The following COA1 variants were observed in gnomAD, a reference collection of about 807,000 sequenced individuals.
The protein encoded by COA1 is cytochrome c oxidase assembly factor 1 homolog.
A neutral mutation model predicts 16.0 loss-of-function variants in COA1; 13 were observed. The observed-to-expected ratio is 0.81, with a 90% confidence interval of 0.53 to 1.29. The LOEUF is 1.29. Among genes scored for constraint, COA1 ranks in the 50% most tolerant of loss-of-function variants. The pLI, the probability that COA1 is intolerant of heterozygous loss-of-function variation, is 0.00. For missense variants in COA1, 179 were observed against 177.0 expected (o/e 1.01, Z -0.06); for synonymous variants, 65 against 65.7 (o/e 0.99, Z 0.05).
intron 4 of COA1, among the ~76,000 whole-genome samples, chr7:43,644,795 G>GGC (rs1554501701): frequency 3.0e-4 from 33 of 111,496 alleles, no homozygotes; most frequent in Non-Finnish European, 4.9e-4. Flanking sequence ...GGCAGGCAGA[G>GGC]AGACAGAGAG....
chr7:43,720,834 G>A (rs746566801), intron 1 of COA1, among the ~76,000 whole-genome samples: 4 of 152,148 alleles, frequency 2.6e-5, no homozygotes, highest in South Asian at 2.1e-4. Context: ...GGTTAGCTTC[G>A]AAAACCTATG....
downstream of COA1, among the ~76,000 whole-genome samples, chr7:43,636,116 C>T (rs1001808095): frequency 1.3e-5 from 2 of 152,190 alleles, no homozygotes; most frequent in Non-Finnish European, 2.9e-5. Flanking sequence ...GCACCCAACC[C>T]GTGTCTTAGA....
intron 1 of COA1, among the ~76,000 whole-genome samples, chr7:43,669,721 CCTT>C (rs1563319464): frequency 6.6e-6 from 1 of 151,598 alleles, no homozygotes; most frequent in Non-Finnish European, 1.5e-5. Flanking sequence ...CTTCTTCCTT[CCTT>C]CTTTCTTGCC....
intron 6 of COA1, among the ~76,000 whole-genome samples, chr7:43,613,126 T>A (rs1041550647): frequency 6.3e-4 from 96 of 152,210 alleles, no homozygotes; most frequent in Non-Finnish European, 1.0e-4. Context: ...TCTATTGCTC[T>A]TTTTTCTTCA....
Position 43,647,575 on chromosome 7 carries a change from G to C in COA1, c.75C>G (p.Phe25Leu), listed in dbSNP as rs1265315695. 2 of 1,614,068 alleles carry C rather than the reference G, an allele frequency of 1.2e-6. No homozygotes were observed. The highest frequency in any genetic ancestry group is 2.2e-5 in the East Asian group (1 of 44,888). ...LGARILFHGV[F>L]YAGGFAIVYY... The stretch of plus-strand genomic sequence containing the variant: ...ACACAATGGCAAAGCCCCCGGCATA[G>C]AACACACCGTGGAAAAGGATCCTTG... Residue 25 changes from phenylalanine (F) to leucine (L), a missense_variant, in exon 3 of 6, where the codon TTC becomes TTG. Coordinates refer to ENST00000223336, the MANE Select transcript of COA1 (RefSeq NM_018224.4).
intron 1 of COA1, among the ~76,000 whole-genome samples, chr7:43,701,904 C>T (rs1437051036): frequency 6.6e-6 from 1 of 151,766 alleles, no homozygotes; most frequent in East Asian, 1.9e-4. Flanking sequence ...TGTTCATGTC[C>T]CCTGCCCACT....
chr7:43,696,684 T>G (rs961369006), intron 1 of COA1, among the ~76,000 whole-genome samples: 1 of 150,500 alleles, frequency 6.6e-6, no homozygotes, highest in African/African-American at 2.4e-5. Context: ...AAAATAAAAA[T>G]GTTGATATAT....
At chr7:43,613,249 A>G (rs1420013975) in intron 6 of COA1, among the ~76,000 whole-genome samples, 1 of 152,182 alleles carries the variant, frequency 6.6e-6, no homozygotes, top group African/African-American at 2.4e-5. Flanking sequence ...AATTCCACAA[A>G]GTTCCAAAAA....
At position 43,645,256 on chromosome 7, in the gene COA1, C is replaced by T. The variant is rs1334015868; in HGVS notation, c.259G>A (p.Ala87Thr). The change falls in exon 4 of 6, where the codon GCC becomes ACC. Residue 87 changes from alanine (A) to threonine (T), a missense_variant. Coordinates refer to ENST00000223336, the MANE Select transcript of COA1 (RefSeq NM_018224.4). The part of the protein sequence containing the change: ...DRENFVDIVD[A>T]KLKIPVSGSK... ...TCGCAGGGAAAGCACATTACCTTGG[C>T]ATCAACAATGTCCACGAAGTTTTCC... is the stretch of plus-strand genomic sequence containing the variant. The T allele has an allele frequency of 1.2e-6, 2 of 1,613,784 alleles. No individual in the cohort carries two copies. The highest frequency in any genetic ancestry group is 1.6e-4 in the Middle Eastern group (1 of 6,078).
At chr7:43,671,211 G>C (rs1197057943) in intron 1 of COA1, among the ~76,000 whole-genome samples, 2 of 152,258 alleles carry the variant, frequency 1.3e-5, no homozygotes, top group East Asian at 3.9e-4. Flanking sequence ...GTCTTCATTA[G>C]CTTGGATTAG....
chr7:43,617,614 CTG>C (rs2083468883), intron 6 of COA1, among the ~76,000 whole-genome samples: 1 of 152,098 alleles, frequency 6.6e-6, no homozygotes, highest in African/African-American at 2.4e-5. Flanking sequence ...AAATAGGAGT[CTG>C]TTTTTGGTCA....
At chr7:43,683,632 T>TC (rs2093878169) in intron 1 of COA1, among the ~76,000 whole-genome samples, 1 of 151,430 alleles carries the variant, frequency 6.6e-6, no homozygotes, top group Non-Finnish European at 1.5e-5. Context: ...AGACTCTGTC[T>TC]CAAAAAAAAA....
At chr7:43,640,266 G>A in intron 5 of COA1, among the ~76,000 whole-genome samples, 1 of 152,224 alleles carries the variant, frequency 6.6e-6, no homozygotes, top group East Asian at 1.9e-4. Flanking sequence ...AACAATTGAG[G>A]CAGTCAAGTG....
downstream of COA1, among the ~76,000 whole-genome samples, chr7:43,634,591 T>A (rs1452508464): frequency 6.6e-6 from 1 of 152,214 alleles, no homozygotes; most frequent in Non-Finnish European, 1.5e-5. Context: ...TCCCAAGCTC[T>A]CTGCTGGGCT....
intron 1 of COA1, among the ~76,000 whole-genome samples, chr7:43,668,611 AT>A (rs1337710541): frequency 6.6e-6 from 1 of 152,194 alleles, no homozygotes; most frequent in African/African-American, 2.4e-5. Flanking sequence ...AACCCTGCTT[AT>A]TCCTGTGAAT....
chr7:43,644,710 TTA>T (rs1430246007), intron 4 of COA1, among the ~76,000 whole-genome samples: 3 of 56,898 alleles, frequency 5.3e-5, no homozygotes, highest in African/African-American at 2.0e-4. Flanking sequence ...GATAGATAGA[TTA>T]GATAGATAGA....
intron 1 of COA1, among the ~76,000 whole-genome samples, chr7:43,669,168 C>T (rs2093088365): frequency 6.6e-6 from 1 of 152,120 alleles, no homozygotes; most frequent in African/African-American, 2.4e-5. Flanking sequence ...AGTCATCACC[C>T]AAAACCCCTT....
chr7:43,725,593 T>G (rs1267086935), intron 1 of COA1, among the ~76,000 whole-genome samples: 1 of 152,174 alleles, frequency 6.6e-6, no homozygotes, highest in African/African-American at 2.4e-5. Context: ...GCGCAATGGC[T>G]CATGCCTATA....
chr7:43,686,817 G>A (rs1183468007), intron 1 of COA1, among the ~76,000 whole-genome samples: 2 of 152,272 alleles, frequency 1.3e-5, no homozygotes, highest in South Asian at 4.1e-4. Flanking sequence ...CGAGAAAAAG[G>A]CTCTGTATAT....
Sources: allele counts gnomAD v4.1 joint callset (sites outside exome capture counted in the v4.1 genomes callset), GRCh38; gene constraint gnomAD v4.1.1; transcripts MANE v1.5; gene names NCBI Gene and HGNC (gene_info 2026-07-23, HGNC 2026-07-21).